Variants in SLC2A2 observed in about 807,000 individuals in gnomAD.
The protein encoded by SLC2A2 is solute carrier family 2 member 2.
SLC2A2 carries 36 observed loss-of-function variants against 54.5 expected under a neutral mutation model. The observed-to-expected ratio is 0.66, with a 90% CI of 0.51 to 0.87. The LOEUF (loss-of-function observed/expected upper bound fraction) is 0.87, where lower values mean the gene tolerates loss of function less well. Among genes scored for constraint, SLC2A2 ranks in the 40% least tolerant of loss-of-function variants. The pLI is 0.00. For synonymous variants in SLC2A2, 223 were observed against 219.1 expected (o/e 1.02, Z -0.16); for missense variants, 543 against 624.3 (o/e 0.87, Z 1.39).
At chr3:171,026,573 C>G (rs1716712268) in intron 1 of SLC2A2, 83 bp downstream of exon 1, 2 of 1,196,918 alleles carry the variant, frequency 1.7e-6, no homozygotes, top group African/African-American at 1.5e-5. Context: ...CCCAACCTCC[C>G]CCAAATCCTC....
chr3:171,002,507 G>A, intron 8 of SLC2A2, 69 bp downstream of exon 8: 1 of 994,010 alleles, frequency 1.0e-6, no homozygotes, highest in Non-Finnish European at 1.6e-6. Flanking sequence ...TAGAGCCGAA[G>A]TTCCCCACCC....
intron 7 of SLC2A2, among the ~76,000 whole-genome samples, chr3:171,004,741 A>G (rs1479428911): frequency 5.3e-5 from 8 of 151,998 alleles, no homozygotes; most frequent in Non-Finnish European, 8.8e-5. Flanking sequence ...ATGTTTTTCA[A>G]TCATGTATTG....
chr3:170,998,997 C>G (rs1236935915), intron 9 of SLC2A2, 68 bp downstream of exon 9: 2 of 995,046 alleles, frequency 2.0e-6, no homozygotes, highest in African/African-American at 1.6e-5. Context: ...GCACTTTAAC[C>G]TGGACCACAG....
chr3:171,022,603 C>T (rs1716513226), intron 1 of SLC2A2, among the ~76,000 whole-genome samples: 1 of 152,230 alleles, frequency 6.6e-6, no homozygotes, highest in African/African-American at 2.4e-5. Flanking sequence ...AGTCTCATCC[C>T]TGCATTTTCT....
At chr3:171,016,715 A>C (rs951444185) in intron 2 of SLC2A2, among the ~76,000 whole-genome samples, 10 of 152,186 alleles carry the variant, frequency 6.6e-5, no homozygotes, top group Admixed American at 6.5e-5. Context: ...GGAAGGGCCT[A>C]TATAGAGAGA....
chr3:171,026,623 A>G, intron 1 of SLC2A2, 33 bp downstream of exon 1: 1 of 1,602,546 alleles, frequency 6.2e-7, no homozygotes, highest in Middle Eastern at 1.7e-4. Flanking sequence ...TCTCCTGAAA[A>G]CCAGACTTGA....
rs547422449 is a variant in SLC2A2, at chr3:170,996,946, T to C, written c.*957A>G. 6.0e-5 allele frequency: 18 copies of C among 302,488 alleles called. No individual in the cohort carries two copies. Among genetic ancestry groups the C allele is most frequent in the African/African-American group, 3.7e-4 (17 of 46,304 alleles). 18.7% of individuals were successfully genotyped at this position (302,488 alleles called of 1,614,324 possible). A position where few individuals can be genotyped will look rare whatever the true frequency, so the allele number is the denominator to read the frequency against. The stretch of plus-strand genomic sequence containing the variant: ...TTTTGAGACATAATAATTCAGAAAA[T>C]ATTTTTAACAAAGTGATCAATCCTT... On this transcript the variant is annotated 3_prime_UTR_variant, in exon 11 of 11. Transcript: ENST00000314251.
At chr3:171,016,710 G>A (rs1716167981) in intron 2 of SLC2A2, among the ~76,000 whole-genome samples, 1 of 152,060 alleles carries the variant, frequency 6.6e-6, no homozygotes, top group Admixed American at 6.5e-5. Flanking sequence ...CAAAAGGAAG[G>A]GCCTATATAG....
At chr3:171,002,410 G>T (rs956219551) in intron 8 of SLC2A2, among the ~76,000 whole-genome samples, 166 bp downstream of exon 8, 7 of 151,982 alleles carry the variant, frequency 4.6e-5, no homozygotes, top group African/African-American at 1.7e-4. Flanking sequence ...TCAATGCAGT[G>T]GTTGGCTTAT....
At chr3:171,010,197 T>C (rs1715820868) in intron 3 of SLC2A2, 115 bp from the exon 4 acceptor site, 1 of 1,123,436 alleles carries the variant, frequency 8.9e-7, no homozygotes, top group Non-Finnish European at 1.3e-6. Context: ...TTAATTTTGC[T>C]GTAAAAGCTA....
Position 171,006,005 on chromosome 3 carries a change from A to G in SLC2A2, c.713T>C (p.Phe238Ser), listed in dbSNP as rs777020657. The change falls in exon 6 of 11, where the codon TTC (phenylalanine) becomes TCC (serine). Residue 238 changes from phenylalanine (F) to serine (S), a missense_variant. By Grantham distance (155) the Phe-to-Ser change is radical (BLOSUM62 -2). Transcript: ENST00000314251. Reference sequence around the variant, plus strand: ...AAGGTATCTGGGGCTTTCTGGACAGAAAAAGAGTAGCAGAGACTGAAGGAT... The same window carrying G: ...AAGGTATCTGGGGCTTTCTGGACAGGAAAAGAGTAGCAGAGACTGAAGGAT... ...RAILQSLLLFFCPESPRYLYI... is the reference protein window; with the variant it reads ...RAILQSLLLFSCPESPRYLYI... The G allele has an allele frequency of 8.7e-6, 14 of 1,612,592 alleles. No individual in the cohort carries two copies. Among genetic ancestry groups the G allele is most frequent in the East Asian group, 2.2e-5 (1 of 44,842 alleles).
chr3:171,016,890 G>A (rs1429841478), intron 2 of SLC2A2, among the ~76,000 whole-genome samples: 3 of 121,248 alleles, frequency 2.5e-5, no homozygotes, highest in African/African-American at 6.0e-5. Flanking sequence ...TTTTGCTCTT[G>A]TTGCCCAGGC....
intron 7 of SLC2A2, among the ~76,000 whole-genome samples, chr3:171,002,953 A>G (rs1014974725): frequency 6.6e-6 from 1 of 152,062 alleles, no homozygotes; most frequent in Non-Finnish European, 1.5e-5. Context: ...ACGTTTTGTT[A>G]AAGTATAATA....
chr3:171,026,335 G>A (rs1716693617), intron 1 of SLC2A2, among the ~76,000 whole-genome samples: 1 of 134,628 alleles, frequency 7.4e-6, no homozygotes, highest in South Asian at 2.4e-4. Flanking sequence ...TTCCCGATGA[G>A]TTTTCATGAT....
intron 4 of SLC2A2, chr3:171,007,568 G>GGC (rs1715673384): frequency 1.4e-5 from 5 of 352,814 alleles, no homozygotes; most frequent in African/African-American, 8.4e-5. Context: ...AATGCCTTAG[G>GGC]TTATCTTCAG....
intron 1 of SLC2A2, among the ~76,000 whole-genome samples, chr3:171,026,365 C>T (rs961806686): frequency 4.4e-5 from 6 of 135,234 alleles, no homozygotes; most frequent in Non-Finnish European, 7.7e-5. Context: ...GTCAATCTGC[C>T]CCCTTTTTTT....
chr3:171,001,741 ACTT>A (rs1054141632), intron 8 of SLC2A2, among the ~76,000 whole-genome samples: 8 of 151,648 alleles, frequency 5.3e-5, no homozygotes, highest in African/African-American at 1.9e-4. Context: ...TTGTTTGTTT[ACTT>A]CTTAGATTAT....
chr3:171,025,090 C>T (rs900159773), intron 1 of SLC2A2, among the ~76,000 whole-genome samples: 1 of 151,900 alleles, frequency 6.6e-6, no homozygotes, highest in Non-Finnish European at 1.5e-5. Context: ...ATCTACATAC[C>T]ATCTATGTAG....
intron 3 of SLC2A2, among the ~76,000 whole-genome samples, chr3:171,013,639 TA>T (rs1337685007): frequency 7.5e-6 from 1 of 132,758 alleles, no homozygotes; most frequent in Non-Finnish European, 1.6e-5. Flanking sequence ...CCTAAATTGT[TA>T]TTTACATCTT....
Sources: gnomAD v4.1 joint callset for allele counts (sites outside exome capture counted in the v4.1 genomes callset) on GRCh38, gnomAD v4.1.1 for gene constraint, MANE v1.5 for transcripts, NCBI Gene and HGNC (gene_info 2026-07-23, HGNC 2026-07-21) for gene names.